EPHA6: variants seen among roughly 807,000 people sequenced by gnomAD.
EPHA6 encodes ephrin type-A receptor 6.
EPHA6 carries 50 observed loss-of-function variants against 112.0 expected under a neutral mutation model. The observed-to-expected ratio is 0.45, with a 90% CI of 0.36 to 0.56. The LOEUF is 0.56. EPHA6 is among the 20% of genes least tolerant of loss of function. The pLI is 0.00. For missense variants in EPHA6, 1,280 were observed against 1,417.4 expected (o/e 0.90, Z 1.56); for synonymous variants, 529 against 490.7 (o/e 1.08, Z -1.03).
At chr3:97,642,918 T>A (rs1230391492) in intron 14 of EPHA6, among the ~76,000 whole-genome samples, 2 of 146,404 alleles carry the variant, frequency 1.4e-5, no homozygotes, top group African/African-American at 5.0e-5. Context: ...AGGCCAACGT[T>A]CAGATTCAGG....
intron 3 of EPHA6, among the ~76,000 whole-genome samples, chr3:97,137,082 CAG>C (rs1276842082): frequency 2.6e-5 from 4 of 152,034 alleles, no homozygotes; most frequent in Non-Finnish European, 4.4e-5. Flanking sequence ...AATTAAAAAA[CAG>C]AAATATTAGT....
intron 3 of EPHA6, among the ~76,000 whole-genome samples, chr3:97,032,049 A>G (rs1412988985): frequency 2.0e-5 from 3 of 152,180 alleles, no homozygotes; most frequent in East Asian, 1.9e-4. Context: ...AACCAAGCCA[A>G]ATGTCCAACA....
chr3:96,875,220 C>T (rs2036874569), intron 2 of EPHA6, among the ~76,000 whole-genome samples: 2 of 152,026 alleles, frequency 1.3e-5, no homozygotes, highest in African/African-American at 4.8e-5. Flanking sequence ...TTGAGGAGAA[C>T]TCAGGCACAT....
intron 10 of EPHA6, among the ~76,000 whole-genome samples, chr3:97,510,797 T>C (rs2092350094): frequency 6.6e-6 from 1 of 152,198 alleles, no homozygotes; most frequent in African/African-American, 2.4e-5. Flanking sequence ...AGCTGCCCCT[T>C]CTCCCAGGTG....
intron 2 of EPHA6, among the ~76,000 whole-genome samples, chr3:96,945,238 G>C: frequency 6.6e-6 from 1 of 152,098 alleles, no homozygotes; most frequent in Non-Finnish European, 1.5e-5. Context: ...CATATTCTAA[G>C]TGCATTTTCT....
chr3:97,028,992 G>A (rs1262017617), intron 3 of EPHA6, among the ~76,000 whole-genome samples: 1 of 151,064 alleles, frequency 6.6e-6, no homozygotes, highest in East Asian at 1.9e-4. Flanking sequence ...TAAACAAGAA[G>A]GAAATGAAAT....
At chr3:97,655,161 A>G (rs565194736) in intron 14 of EPHA6, among the ~76,000 whole-genome samples, 6 of 149,474 alleles carry the variant, frequency 4.0e-5, no homozygotes, top group Non-Finnish European at 5.9e-5. Context: ...TTTTTTGTGT[A>G]TGTTTTGGGG....
chr3:96,986,839 T>G (rs952667296), intron 2 of EPHA6, among the ~76,000 whole-genome samples: 1 of 152,172 alleles, frequency 6.6e-6, no homozygotes, highest in Non-Finnish European at 1.5e-5. Context: ...TATAAATATT[T>G]AATTGACTAT....
At chr3:97,566,928 C>T (rs2093274902) in intron 11 of EPHA6, among the ~76,000 whole-genome samples, 1 of 152,156 alleles carries the variant, frequency 6.6e-6, no homozygotes, top group Admixed American at 6.5e-5. Context: ...ATAGGTCCAC[C>T]TCTGGAACTC....
intron 3 of EPHA6, among the ~76,000 whole-genome samples, chr3:97,128,872 C>CTTTTTTTTTTTTTT (rs377407255): frequency 6.0e-5 from 7 of 117,528 alleles, no homozygotes; most frequent in African/African-American, 2.0e-4. Flanking sequence ...ATTTTTATGT[C>CTTTTTTTTTTTTTT]TTTTTTTTTT....
chr3:97,530,488 T>C (rs2092682952), intron 10 of EPHA6, among the ~76,000 whole-genome samples: 1 of 151,918 alleles, frequency 6.6e-6, no homozygotes, highest in Admixed American at 6.6e-5. Context: ...TTTGACATGG[T>C]ATTACCTAAA....
At chr3:97,306,291 CTCTT>C (rs1169571706) in intron 5 of EPHA6, among the ~76,000 whole-genome samples, 4 of 143,688 alleles carry the variant, frequency 2.8e-5, no homozygotes, top group Non-Finnish European at 5.9e-5. Flanking sequence ...TGTCAGGGCC[CTCTT>C]TTTTTTTTTT....
At chr3:97,438,327 T>G (rs1378008564) in intron 6 of EPHA6, among the ~76,000 whole-genome samples, 1 of 152,172 alleles carries the variant, frequency 6.6e-6, no homozygotes, top group Non-Finnish European at 1.5e-5. Context: ...AAAATATTTT[T>G]GGCAAGTAAA....
intron 5 of EPHA6, among the ~76,000 whole-genome samples, chr3:97,284,592 TG>T (rs796791819): frequency 7.2e-5 from 11 of 152,324 alleles, no homozygotes; most frequent in African/African-American, 2.4e-4. Flanking sequence ...AACACGTGAC[TG>T]CTGATTTCAT....
chr3:97,037,430 G>T (rs2045142042), intron 3 of EPHA6, among the ~76,000 whole-genome samples: 1 of 151,984 alleles, frequency 6.6e-6, no homozygotes, highest in Non-Finnish European at 1.5e-5. Flanking sequence ...ACAGCAGAGA[G>T]AATATCATCA....
At chr3:97,138,820 G>A (rs1309127037) in intron 3 of EPHA6, among the ~76,000 whole-genome samples, 1 of 152,206 alleles carries the variant, frequency 6.6e-6, no homozygotes, top group Non-Finnish European at 1.5e-5. Flanking sequence ...TCACAGACAG[G>A]GATTCTTGCA....
chr3:97,521,772 G>A (rs1340017976), intron 10 of EPHA6, among the ~76,000 whole-genome samples: 2 of 151,996 alleles, frequency 1.3e-5, no homozygotes, highest in African/African-American at 4.8e-5. Context: ...TCCCCCATGG[G>A]GCATGACAGT....
intron 2 of EPHA6, among the ~76,000 whole-genome samples, chr3:96,896,365 T>G (rs995805085): frequency 3.7e-4 from 57 of 152,348 alleles, no homozygotes; most frequent in Admixed American, 1.6e-3. Context: ...GATTCCTTAT[T>G]GCCAAACTAA....
chr3:97,488,010 C>G (rs374766955), intron 10 of EPHA6, among the ~76,000 whole-genome samples: 26 of 152,274 alleles, frequency 1.7e-4, no homozygotes, highest in African/African-American at 6.0e-4. Flanking sequence ...AAGGTTGTCC[C>G]TCTTTCAGGG....
Sources: allele counts gnomAD v4.1 joint callset (sites outside exome capture counted in the v4.1 genomes callset), GRCh38; gene constraint gnomAD v4.1.1; transcripts MANE v1.5; gene names NCBI Gene and HGNC (gene_info 2026-07-23, HGNC 2026-07-21).